The following UBXN2A variants were observed in gnomAD, a reference collection of about 807,000 sequenced individuals.
UBXN2A encodes the protein UBX domain-containing protein 2A.
In UBXN2A, 28 loss-of-function variants were observed where a neutral mutation model predicts 28.4. The observed-to-expected ratio is 0.99, with a 90% CI of 0.73 to 1.35. The LOEUF is 1.35. Ranked by LOEUF, UBXN2A falls within the 40% of genes most tolerant of loss-of-function variation. The pLI is 0.00. For missense variants in UBXN2A, 253 were observed against 297.9 expected, an observed-to-expected ratio of 0.85 and a Z score of 1.11; for synonymous variants, 97 against 103.6, an observed-to-expected ratio of 0.94 and a Z score of 0.39.
chr2:23,951,475 A>G, intron 1 of UBXN2A, among the ~76,000 whole-genome samples: 1 of 115,456 alleles, frequency 8.7e-6, no homozygotes, highest in Non-Finnish European at 1.8e-5. Flanking sequence ...GTTTTGTTTC[A>G]TTTTGAGACA....
chr2:23,973,015 G>T (rs1418526963), intron 3 of UBXN2A, among the ~76,000 whole-genome samples: 4 of 152,048 alleles, frequency 2.6e-5, no homozygotes, highest in African/African-American at 9.7e-5. Context: ...CTGCAAGAAA[G>T]AATGGTTTAC....
chr2:23,933,089 A>G (rs535566906), intron 1 of UBXN2A, among the ~76,000 whole-genome samples: 127 of 151,632 alleles, frequency 8.4e-4, no homozygotes, highest in South Asian at 2.1e-3. Context: ...TGGGCAACAG[A>G]GCGAGACTCC....
At chr2:23,983,730 C>T (rs1282375805) in intron 5 of UBXN2A, among the ~76,000 whole-genome samples, 3 of 151,988 alleles carry the variant, frequency 2.0e-5, no homozygotes, top group African/African-American at 7.2e-5. Flanking sequence ...GGCTGGAGTG[C>T]AGTGGCATGA....
At chr2:23,951,454 A>G (rs1449292680) in intron 1 of UBXN2A, among the ~76,000 whole-genome samples, 2 of 76,198 alleles carry the variant, frequency 2.6e-5, no homozygotes, top group Non-Finnish European at 5.4e-5. Flanking sequence ...ATATATATAT[A>G]TATATATATA....
chr2:23,982,951 G>T lies in UBXN2A; in HGVS notation c.343G>T (p.Val115Phe). The change falls in exon 5 of 7, where the codon GTT becomes TTT. Residue 115 changes from valine (V) to phenylalanine (F), a missense_variant. Val to Phe is a conservative substitution (Grantham distance 50, BLOSUM62 -1). Coordinates refer to ENST00000309033, the MANE Select transcript of UBXN2A (RefSeq NM_181713.4). ...TGATAAAGAAGAGGTGGACGTTAAA[G>T]TTGAAGACAAGAAAAATGAAATATG... ...IFDKEEVDVK[V>F]EDKKNEICLS... is the part of the protein sequence containing the mutation. 6.2e-7 allele frequency: 1 copy of T among 1,611,464 alleles called. No individual in the cohort carries two copies. The highest frequency in any genetic ancestry group is 8.5e-7 in the Non-Finnish European group (1 of 1,178,600).
chr2:23,958,241 A>G, intron 1 of UBXN2A, 60 bp from the exon 2 acceptor site: 8 of 1,392,924 alleles, frequency 5.7e-6, no homozygotes, highest in Non-Finnish European at 6.9e-6. Flanking sequence ...CTACATGGTA[A>G]CTTACATATT....
upstream of UBXN2A, chr2:23,940,321 G>C (rs1189018328): frequency 1.3e-5 from 2 of 151,912 alleles, no homozygotes. Flanking sequence ...CTAGCCGCCG[G>C]GCCAGTGGTG....
intron 1 of UBXN2A, among the ~76,000 whole-genome samples, chr2:23,943,597 C>G (rs1324936729): frequency 6.6e-6 from 1 of 152,146 alleles, no homozygotes; most frequent in South Asian, 2.1e-4. Context: ...AAGCAATTCT[C>G]CTGCCTCAGC....
chr2:23,929,865 T>C (rs1705318025), intron 1 of UBXN2A, among the ~76,000 whole-genome samples: 1 of 152,176 alleles, frequency 6.6e-6, no homozygotes, highest in Admixed American at 6.5e-5. Flanking sequence ...CCATAACCTA[T>C]ACCATTTACT....
At chr2:23,984,440 A>G (rs1026396327) in intron 5 of UBXN2A, among the ~76,000 whole-genome samples, 3 of 152,302 alleles carry the variant, frequency 2.0e-5, no homozygotes, top group African/African-American at 7.2e-5. Flanking sequence ...TACCAGTAAT[A>G]ATATATGTAG....
intron 1 of UBXN2A, among the ~76,000 whole-genome samples, chr2:23,932,097 A>T (rs1198181186): frequency 6.6e-6 from 1 of 152,044 alleles, no homozygotes; most frequent in Admixed American, 6.6e-5. Flanking sequence ...AGGCAGGCGG[A>T]TCATGAGGTC....
chr2:23,931,465 GAA>G (rs766661537), intron 1 of UBXN2A, among the ~76,000 whole-genome samples: 11 of 151,922 alleles, frequency 7.2e-5, no homozygotes, highest in Non-Finnish European at 1.5e-4. Context: ...AATAAGAAAA[GAA>G]AAGAGATATG....
At position 23,992,052 on chromosome 2, in the gene UBXN2A, A is replaced by G. The variant is rs370848405; in HGVS notation, c.584+7221A>G. ...AGTGGCGCAATCTCAGCTCACTGCA[A>G]CCTCCGCCTCCCTGGTTCATGCGAT... On this transcript the variant is annotated intron_variant, in intron 6 of 6. Coordinates refer to ENST00000309033, the MANE Select transcript of UBXN2A (RefSeq NM_181713.4). Among the ~76,000 whole-genome samples, 4 of 151,730 alleles carry G rather than the reference A, an allele frequency of 2.6e-5. No homozygotes were observed. The East Asian group carries it at 5.8e-4, about 22-fold the overall frequency.
chr2:23,960,200 G>A (rs960897356), intron 2 of UBXN2A, among the ~76,000 whole-genome samples: 2 of 152,018 alleles, frequency 1.3e-5, no homozygotes, highest in Non-Finnish European at 2.9e-5. Flanking sequence ...AGCTTGCAGT[G>A]AGTCGAGATC....
chr2:23,945,824 T>C (rs1325969376), intron 1 of UBXN2A, among the ~76,000 whole-genome samples: 3 of 151,806 alleles, frequency 2.0e-5, no homozygotes, highest in African/African-American at 7.3e-5. Context: ...TCTTTTTTTT[T>C]CTTCTCTTTT....
chr2:23,969,233 A>C (rs544518363), intron 2 of UBXN2A, among the ~76,000 whole-genome samples: 1 of 152,064 alleles, frequency 6.6e-6, no homozygotes, highest in Non-Finnish European at 1.5e-5. Flanking sequence ...AATAAAAACC[A>C]GTAAAGTATT....
chr2:23,944,172 C>T, intron 1 of UBXN2A: 1 of 1,243,540 alleles, frequency 8.0e-7, no homozygotes, highest in Non-Finnish European at 1.2e-6. Flanking sequence ...GTGTCTGGGG[C>T]CAGCACTGAT....
intron 6 of UBXN2A, among the ~76,000 whole-genome samples, chr2:23,998,580 T>G (rs1412485018): frequency 1.3e-5 from 2 of 151,922 alleles, no homozygotes; most frequent in Non-Finnish European, 2.9e-5. Flanking sequence ...ACTAGCCGGA[T>G]GTGGTGGCAG....
intron 1 of UBXN2A, chr2:23,943,979 G>T (rs1705904076): frequency 4.3e-6 from 2 of 468,126 alleles, no homozygotes; most frequent in African/African-American, 2.0e-5. Flanking sequence ...TCTGGAATAA[G>T]AACACAGGTT....
Sources: allele counts gnomAD v4.1 joint callset (sites outside exome capture counted in the v4.1 genomes callset), GRCh38; gene constraint gnomAD v4.1.1; transcripts MANE v1.5; gene names NCBI Gene and HGNC (gene_info 2026-07-23, HGNC 2026-07-21).